ZDHHC20: variants seen among roughly 807,000 people sequenced by gnomAD.
ZDHHC20 encodes palmitoyltransferase ZDHHC20.
Under a neutral mutation model 57.8 loss-of-function variants are expected in ZDHHC20, and 43 were observed. The ratio of observed to expected loss-of-function variants is 0.74; its 90% CI spans 0.58 to 0.96. The LOEUF is 0.96. Ranked by LOEUF, ZDHHC20 falls within the 40% of genes least tolerant of loss-of-function variation. The probability of loss-of-function intolerance (pLI) is 0.00; values close to 1 mark genes in which losing one functional copy is unlikely to be tolerated. For missense variants in ZDHHC20, 391 were observed against 441.1 expected (o/e 0.89, Z 1.02); for synonymous variants, 157 against 153.0 (o/e 1.03, Z -0.19).
chr13:21,411,868 C>G (rs1165876189), intron 4 of ZDHHC20, among the ~76,000 whole-genome samples: 1 of 152,200 alleles, frequency 6.6e-6, no homozygotes, highest in African/African-American at 2.4e-5. Context: ...ACGAGGCAGA[C>G]TTTTGGCCCC....
intron 1 of ZDHHC20, among the ~76,000 whole-genome samples, chr13:21,446,720 G>T (rs1883741178): frequency 1.3e-5 from 2 of 152,130 alleles, no homozygotes; most frequent in Admixed American, 6.5e-5. Context: ...TATTTGAGCA[G>T]TATCTAAATG....
intron 4 of ZDHHC20, 87 bp from the exon 5 acceptor site, chr13:21,402,953 A>C (rs555236102): frequency 1.0e-6 from 1 of 995,192 alleles, no homozygotes; most frequent in Admixed American, 2.2e-5. Flanking sequence ...AAAAAAAATA[A>C]CTCTGGGTAA....
At chr13:21,389,710 C>T (rs976290191) in intron 8 of ZDHHC20, among the ~76,000 whole-genome samples, 1 of 152,184 alleles carries the variant, frequency 6.6e-6, no homozygotes, top group Non-Finnish European at 1.5e-5. Flanking sequence ...AGTGTCCACA[C>T]CCTATCTAAA....
intron 1 of ZDHHC20, among the ~76,000 whole-genome samples, chr13:21,443,004 G>A (rs1158530297): frequency 6.6e-6 from 1 of 152,120 alleles, no homozygotes; most frequent in African/African-American, 2.4e-5. Context: ...GGGCAAAAGG[G>A]CTTGCTTAAT....
At chr13:21,447,707 G>C (rs1401213202) in intron 1 of ZDHHC20, among the ~76,000 whole-genome samples, 2 of 111,164 alleles carry the variant, frequency 1.8e-5, no homozygotes, top group Non-Finnish European at 4.1e-5. Flanking sequence ...CCGCCACCCC[G>C]TCTGGGAAGT....
At chr13:21,406,206 T>C (rs990832833) in intron 4 of ZDHHC20, among the ~76,000 whole-genome samples, 7 of 152,180 alleles carry the variant, frequency 4.6e-5, no homozygotes, top group East Asian at 1.9e-4. Flanking sequence ...TCTAAGCAAC[T>C]TGCCTGGCTG....
At chr13:21,434,777 CT>C (rs34429191) in intron 1 of ZDHHC20, among the ~76,000 whole-genome samples, 88,766 of 150,372 alleles carry the variant, frequency 0.59, 26,222 homozygotes, top group East Asian at 0.74. Context: ...CAGAGACATC[CT>C]TTTTTTTTTT....
At chr13:21,436,608 G>T (rs930505257) in intron 1 of ZDHHC20, among the ~76,000 whole-genome samples, 1 of 152,128 alleles carries the variant, frequency 6.6e-6, no homozygotes, top group African/African-American at 2.4e-5. Flanking sequence ...TAATAAATGT[G>T]GTGTTTCTAC....
intron 4 of ZDHHC20, among the ~76,000 whole-genome samples, chr13:21,406,955 G>A (rs142888779): frequency 6.8e-4 from 104 of 152,196 alleles, no homozygotes; most frequent in African/African-American, 2.1e-3. Context: ...AGGAATCGCC[G>A]CGCTGTCTTC....
chr13:21,384,708 G>C (rs189809561), intron 9 of ZDHHC20, among the ~76,000 whole-genome samples: 2 of 152,162 alleles, frequency 1.3e-5, no homozygotes, highest in Non-Finnish European at 2.9e-5. Flanking sequence ...TGACTGGGGC[G>C]ATCTCACTGA....
At chr13:21,411,251 A>T (rs1879180015) in intron 4 of ZDHHC20, among the ~76,000 whole-genome samples, 1 of 152,006 alleles carries the variant, frequency 6.6e-6, no homozygotes, top group African/African-American at 2.4e-5. Flanking sequence ...TGCAAAAATC[A>T]CCTGCCTTCT....
chr13:21,375,469 A>G lies in ZDHHC20; in HGVS notation c.*1227T>C, dbSNP rs1871934550. On this transcript the variant is annotated 3_prime_UTR_variant, in exon 13 of 13. Coordinates refer to ENST00000400590, the MANE Select transcript of ZDHHC20 (RefSeq NM_001330059.2). The stretch of plus-strand genomic sequence containing the variant: ...ACACCTCCTGTCGCTTAGATTTTAA[A>G]AGGAAAAAGGAGAAATGTGTCTAGT... The G allele has an allele frequency of 4.4e-6, 1 of 224,858 alleles. No individual in the cohort carries two copies. Among genetic ancestry groups the G allele is most frequent in the Admixed American group, 5.4e-5 (1 of 18,516 alleles). The allele number at this position is 224,858 out of a possible 1,614,324, so 13.9% of individuals were successfully genotyped here. A position where few individuals can be genotyped will look rare whatever the true frequency, so the allele number is the denominator to read the frequency against.
chr13:21,396,990 T>C (rs1341353150), intron 7 of ZDHHC20, among the ~76,000 whole-genome samples: 3 of 152,202 alleles, frequency 2.0e-5, no homozygotes, highest in Non-Finnish European at 4.4e-5. Flanking sequence ...TCCCAGTCAG[T>C]AGCTTGCTTT....
chr13:21,387,411 C>A, intron 9 of ZDHHC20, 97 bp downstream of exon 9: 1 of 902,588 alleles, frequency 1.1e-6, no homozygotes. Flanking sequence ...GTGAGAATAT[C>A]ATTATATATT....
intron 12 of ZDHHC20, among the ~76,000 whole-genome samples, chr13:21,378,150 C>A (rs752486603): frequency 3.3e-5 from 5 of 152,048 alleles, no homozygotes; most frequent in Non-Finnish European, 7.4e-5. Flanking sequence ...TCAAGTGATC[C>A]TCCCACTTCA....
At chr13:21,388,896 G>A (rs886330115) in intron 8 of ZDHHC20, among the ~76,000 whole-genome samples, 1 of 152,138 alleles carries the variant, frequency 6.6e-6, no homozygotes, top group Non-Finnish European at 1.5e-5. Flanking sequence ...GTCAAGAGCT[G>A]TTAAAGTCAT....
chr13:21,375,329 A>C lies in ZDHHC20; in HGVS notation c.*1367T>G, dbSNP rs1309623745. On this transcript the variant is annotated 3_prime_UTR_variant, in exon 13 of 13. Transcript: ENST00000400590. ...TCATCTCCACCCACTCACTGGAAGC[A>C]ATCAATTATTTTGGGGGGGGTGTGT... is the stretch of plus-strand genomic sequence containing the variant. The C allele has an allele frequency of 2.7e-6, 1 of 367,512 alleles. No individual in the cohort carries two copies. The highest frequency in any genetic ancestry group is 2.1e-5 in the African/African-American group (1 of 46,800). 22.8% of individuals were successfully genotyped at this position (367,512 alleles called of 1,614,324 possible).
chr13:21,408,052 T>G (rs574136962), intron 4 of ZDHHC20, among the ~76,000 whole-genome samples: 5 of 152,338 alleles, frequency 3.3e-5, no homozygotes, highest in Non-Finnish European at 7.4e-5. Flanking sequence ...TCAGGTAATG[T>G]GATGCCTCCA....
chr13:21,401,675 T>C lies in ZDHHC20; in HGVS notation c.451A>G (p.Lys151Glu). 6.5e-7 allele frequency: 1 copy of C among 1,528,332 alleles called. No individual in the cohort carries two copies. The highest frequency in any genetic ancestry group is 1.3e-5 in the South Asian group (1 of 75,496). The allele number at this position is 1,528,332 out of a possible 1,614,324, so 94.7% of individuals were successfully genotyped here. The change falls in exon 6 of 13, where the codon AAG (lysine) becomes GAG (glutamate). Residue 151 changes from lysine (K) to glutamate (E), a missense_variant. Physicochemically the swap from Lys to Glu is moderately conservative, Grantham distance 56. Coordinates refer to ENST00000400590, the MANE Select transcript of ZDHHC20 (RefSeq NM_001330059.2). ...TACCAAGGACAGTGATGATCCATCT[T>C]AAGAATACATCTAGGAAACAAACAA... ...HCSACDSCILKMDHHCPWVNN... is the reference protein window; with the variant it reads ...HCSACDSCILEMDHHCPWVNN...
Sources: allele counts gnomAD v4.1 joint callset (sites outside exome capture counted in the v4.1 genomes callset), GRCh38; gene constraint gnomAD v4.1.1; transcripts MANE v1.5; gene names NCBI Gene and HGNC (gene_info 2026-07-23, HGNC 2026-07-21).